The following ENTREP2 variants were observed in gnomAD, a reference collection of about 807,000 sequenced individuals.
ENTREP2 encodes endosomal transmembrane epsin interactor 2.
At chr15:29,422,898 G>A in the ENTREP2 span, among the ~76,000 whole-genome samples, 1 of 152,150 alleles carries the variant, frequency 6.6e-6, no homozygotes, top group Non-Finnish European at 1.5e-5. Flanking sequence ...CAATGGAACC[G>A]GTGTACCTAA....
At chr15:29,268,746 T>C in the ENTREP2 span, 72 of 1,547,732 alleles carry the variant, frequency 4.7e-5, no homozygotes, top group East Asian at 1.6e-3. Context: ...AACTGTGCCT[T>C]TGGGTCTCAG....
At chr15:29,541,958 G>A in the ENTREP2 span, among the ~76,000 whole-genome samples, 3 of 152,194 alleles carry the variant, frequency 2.0e-5, no homozygotes, top group Middle Eastern at 3.2e-3. Flanking sequence ...TCCTGTTTTG[G>A]CTTGAAGTGG....
At chr15:29,206,722 T>G in the ENTREP2 span, among the ~76,000 whole-genome samples, 1 of 151,998 alleles carries the variant, frequency 6.6e-6, no homozygotes, top group Admixed American at 6.6e-5. Flanking sequence ...TTGACTGGGG[T>G]GGTGACGCAC....
the ENTREP2 span, among the ~76,000 whole-genome samples, chr15:29,174,703 AAAACAAC>A: frequency 1.9e-4 from 28 of 146,210 alleles, no homozygotes; most frequent in African/African-American, 6.4e-4. Flanking sequence ...AAAACAAAAC[AAAACAAC>A]AAAAAAAAAA....
chr15:29,483,176 A>G, the ENTREP2 span, among the ~76,000 whole-genome samples: 1 of 152,188 alleles, frequency 6.6e-6, no homozygotes, highest in Non-Finnish European at 1.5e-5. Flanking sequence ...CCATTTTTTA[A>G]TCAGGTTATT....
At chr15:29,538,267 C>T in the ENTREP2 span, among the ~76,000 whole-genome samples, 11 of 152,208 alleles carry the variant, frequency 7.2e-5, no homozygotes, top group African/African-American at 2.4e-4. Flanking sequence ...CAGTCATGTT[C>T]AGCTGGGCAG....
chr15:29,224,835 G>A, the ENTREP2 span, among the ~76,000 whole-genome samples: 1 of 152,222 alleles, frequency 6.6e-6, no homozygotes, highest in Non-Finnish European at 1.5e-5. Flanking sequence ...TGGGCACCGT[G>A]GAGCAGGGGG....
At chr15:29,424,179 G>C in the ENTREP2 span, among the ~76,000 whole-genome samples, 1 of 152,186 alleles carries the variant, frequency 6.6e-6, no homozygotes, top group African/African-American at 2.4e-5. Flanking sequence ...AACCCAAAGA[G>C]TGAGCAACAG....
the ENTREP2 span, among the ~76,000 whole-genome samples, chr15:29,333,538 G>A: frequency 4.6e-5 from 7 of 152,160 alleles, no homozygotes; most frequent in Admixed American, 1.3e-4. Context: ...GGGGGGACAC[G>A]TGGGCAGCGA....
chr15:29,271,670 G>A, the ENTREP2 span, among the ~76,000 whole-genome samples: 8 of 152,078 alleles, frequency 5.3e-5, no homozygotes, highest in Non-Finnish European at 1.0e-4. Flanking sequence ...GTCACATACC[G>A]CCTGCTTGCT....
chr15:29,315,682 T>C, the ENTREP2 span, among the ~76,000 whole-genome samples: 1 of 152,036 alleles, frequency 6.6e-6, no homozygotes, highest in Non-Finnish European at 1.5e-5. Context: ...TAACTCACAG[T>C]CCAAAGTAAT....
chr15:29,271,622 G>T, the ENTREP2 span, among the ~76,000 whole-genome samples: 1 of 152,068 alleles, frequency 6.6e-6, no homozygotes, highest in Non-Finnish European at 1.5e-5. Flanking sequence ...GAACTGCCCT[G>T]TTCTGTTTCT....
the ENTREP2 span, among the ~76,000 whole-genome samples, chr15:29,588,266 A>G: frequency 3.9e-5 from 6 of 151,992 alleles, no homozygotes; most frequent in African/African-American, 1.4e-4. Flanking sequence ...CACTTGGCAA[A>G]CTCCAGACTC....
At chr15:29,554,581 C>G in the ENTREP2 span, among the ~76,000 whole-genome samples, 2 of 151,020 alleles carry the variant, frequency 1.3e-5, no homozygotes, top group Non-Finnish European at 2.9e-5. Flanking sequence ...TGTGCAAAAT[C>G]TTTGTCTTTA....
At chr15:29,299,755 T>C in the ENTREP2 span, among the ~76,000 whole-genome samples, 4 of 152,224 alleles carry the variant, frequency 2.6e-5, no homozygotes, top group Non-Finnish European at 4.4e-5. Context: ...GTAAGCTTCA[T>C]GAGGCAGGTA....
chr15:29,148,089 G>T, the ENTREP2 span, among the ~76,000 whole-genome samples: 1 of 152,178 alleles, frequency 6.6e-6, no homozygotes, highest in Non-Finnish European at 1.5e-5. Context: ...ATGCAGAACA[G>T]GCAAATCCAT....
the ENTREP2 span, among the ~76,000 whole-genome samples, chr15:29,546,221 A>C: frequency 2.0e-5 from 3 of 152,318 alleles, no homozygotes; most frequent in Admixed American, 6.5e-5. Flanking sequence ...ACCCTGTGAC[A>C]CTGTAATATT....
At chr15:29,528,645 A>T in the ENTREP2 span, among the ~76,000 whole-genome samples, 50 of 151,760 alleles carry the variant, frequency 3.3e-4, no homozygotes, top group Admixed American at 3.3e-4. Flanking sequence ...TTCTGATAGC[A>T]AATCAAGTCC....
chr15:29,244,737 G>T, the ENTREP2 span, among the ~76,000 whole-genome samples: 9,885 of 152,242 alleles, frequency 0.065, 1,102 homozygotes, highest in African/African-American at 0.22. Flanking sequence ...ACCGCATGTG[G>T]GTGAGAGGGA....
Sources: gnomAD v4.1 joint callset for allele counts (sites outside exome capture counted in the v4.1 genomes callset) on GRCh38, gnomAD v4.1.1 for gene constraint, MANE v1.5 for transcripts, NCBI Gene and HGNC (gene_info 2026-07-23, HGNC 2026-07-21) for gene names.